LRMDA: variants seen among roughly 807,000 people sequenced by gnomAD.
LRMDA encodes leucine-rich melanocyte differentiation-associated protein.
A neutral mutation model predicts 29.8 loss-of-function variants in LRMDA; 18 were observed. The ratio of observed to expected loss-of-function variants is 0.60; its 90% confidence interval spans 0.42 to 0.90. The LOEUF (loss-of-function observed/expected upper bound fraction) is 0.90. LRMDA is among the 40% of genes least tolerant of loss of function. The pLI, the probability that LRMDA is intolerant of heterozygous loss-of-function variation, is 0.00. For missense variants in LRMDA, 273 were observed against 273.9 expected (o/e 1.00, Z 0.02); for synonymous variants, 125 against 109.4 (o/e 1.14, Z -0.89).
chr10:76,029,790 G>T (rs1406471642), intron 2 of LRMDA, among the ~76,000 whole-genome samples: 1 of 152,288 alleles, frequency 6.6e-6, no homozygotes, highest in African/African-American at 2.4e-5. Flanking sequence ...TCTCAGATGA[G>T]TGTTGAATTT....
intron 2 of LRMDA, among the ~76,000 whole-genome samples, chr10:75,742,371 C>T (rs1842840386): frequency 1.3e-5 from 2 of 152,146 alleles, no homozygotes; most frequent in South Asian, 4.1e-4. Context: ...GACAGTTCAA[C>T]AAGATGGAGA....
At chr10:76,429,023 T>TACACACAC (rs140684832) in intron 6 of LRMDA, among the ~76,000 whole-genome samples, 2,781 of 149,728 alleles carry the variant, frequency 0.019, 88 homozygotes, top group African/African-American at 0.061. Context: ...CTGCCAATTA[T>TACACACAC]ACACACACAC....
At chr10:76,190,584 G>A (rs572003534) in intron 5 of LRMDA, among the ~76,000 whole-genome samples, 23 of 152,186 alleles carry the variant, frequency 1.5e-4, no homozygotes, top group Non-Finnish European at 2.6e-4. Flanking sequence ...TCCCAGATGG[G>A]TGTGTGGTAG....
chr10:76,442,983 T>A (rs186900408), intron 6 of LRMDA, among the ~76,000 whole-genome samples: 1 of 152,276 alleles, frequency 6.6e-6, no homozygotes, highest in Non-Finnish European at 1.5e-5. Context: ...TTTTACGGTA[T>A]ACAAAAACAT....
At chr10:75,965,009 A>G (rs2082854) in intron 2 of LRMDA, among the ~76,000 whole-genome samples, 100,581 of 151,972 alleles carry the variant, frequency 0.66, 33,406 homozygotes, top group South Asian at 0.73. Context: ...CAAGTGATCC[A>G]CTCAACTCGG....
At chr10:76,348,742 T>A (rs1841139423) in intron 6 of LRMDA, among the ~76,000 whole-genome samples, 1 of 152,200 alleles carries the variant, frequency 6.6e-6, no homozygotes, top group South Asian at 2.1e-4. Context: ...TGCAAGACAC[T>A]GTACATGTGT....
At chr10:76,222,528 C>G (rs931190187) in intron 5 of LRMDA, among the ~76,000 whole-genome samples, 2 of 152,176 alleles carry the variant, frequency 1.3e-5, no homozygotes, top group African/African-American at 4.8e-5. Context: ...AAATGCTCAC[C>G]ATCACTGGCC....
chr10:75,777,824 G>T (rs1320862663), intron 2 of LRMDA, among the ~76,000 whole-genome samples: 1 of 152,130 alleles, frequency 6.6e-6, no homozygotes, highest in Non-Finnish European at 1.5e-5. Context: ...TTAATATATA[G>T]GATAGTGTCC....
chr10:76,260,752 C>A (rs1839928313), intron 5 of LRMDA: 1 of 152,110 alleles, frequency 6.6e-6, no homozygotes, highest in Non-Finnish European at 1.5e-5. Flanking sequence ...GGAAAGTTTT[C>A]AGCTATTACT....
chr10:76,428,773 T>A (rs903809056), intron 6 of LRMDA, among the ~76,000 whole-genome samples: 1 of 152,050 alleles, frequency 6.6e-6, no homozygotes, highest in African/African-American at 2.4e-5. Flanking sequence ...TAACTGTATA[T>A]CTGAACAAAG....
intron 2 of LRMDA, among the ~76,000 whole-genome samples, chr10:75,759,571 A>G (rs1174306539): frequency 6.6e-6 from 1 of 152,252 alleles, no homozygotes; most frequent in Non-Finnish European, 1.5e-5. Context: ...TTGTAGGCTA[A>G]GAAGCCCATT....
At chr10:75,542,918 G>A (rs1840035593) in intron 2 of LRMDA, among the ~76,000 whole-genome samples, 1 of 152,226 alleles carries the variant, frequency 6.6e-6, no homozygotes, top group Non-Finnish European at 1.5e-5. Flanking sequence ...CCTGTGTGCT[G>A]TGAAATTTTA....
chr10:76,403,616 A>T (rs1158224858), intron 6 of LRMDA, among the ~76,000 whole-genome samples: 6 of 152,174 alleles, frequency 3.9e-5, no homozygotes, highest in African/African-American at 9.7e-5. Context: ...TAATCTTCAG[A>T]GATAAGTACT....
chr10:75,758,751 A>G (rs758480389), intron 2 of LRMDA, among the ~76,000 whole-genome samples: 7 of 152,220 alleles, frequency 4.6e-5, no homozygotes, highest in Non-Finnish European at 1.0e-4. Flanking sequence ...TTTTATTTAC[A>G]CTGTTTAATA....
Position 76,424,800 on chromosome 10 carries a change from A to G in LRMDA, c.601+100315A>G, listed in dbSNP as rs1040290347. Among the ~76,000 whole-genome samples the G allele has an allele frequency of 2.0e-5, 3 of 152,220 alleles. No individual in the cohort carries two copies. In the South Asian group the frequency reaches 6.2e-4, roughly 31 times the overall value. The stretch of plus-strand genomic sequence containing the variant: ...ACCCAGTTTGTTGATTAGGCAAAAC[A>G]GTAGTCTTTTCACGGCACCTTACTG... On this transcript the variant is annotated intron_variant, in intron 6 of 6. Coordinates refer to ENST00000611255, the MANE Select transcript of LRMDA (RefSeq NM_001305581.2).
At chr10:76,151,896 T>C (rs529103733) in intron 5 of LRMDA, among the ~76,000 whole-genome samples, 29 of 152,284 alleles carry the variant, frequency 1.9e-4, no homozygotes, top group African/African-American at 7.0e-4. Context: ...TTACACTATA[T>C]AGGACCTCCA....
chr10:76,101,906 C>G (rs921369242), intron 5 of LRMDA, among the ~76,000 whole-genome samples: 2 of 152,112 alleles, frequency 1.3e-5, no homozygotes, highest in African/African-American at 4.8e-5. Context: ...CTCCCATTTC[C>G]CACTCTTCCA....
At chr10:76,375,076 A>G (rs1373460537) in intron 6 of LRMDA, among the ~76,000 whole-genome samples, 1 of 152,200 alleles carries the variant, frequency 6.6e-6, no homozygotes, top group East Asian at 1.9e-4. Flanking sequence ...AAAGAAAAGA[A>G]AAAGATTTCA....
At chr10:75,869,234 A>T (rs1169665230) in intron 2 of LRMDA, among the ~76,000 whole-genome samples, 1 of 152,204 alleles carries the variant, frequency 6.6e-6, no homozygotes, top group Non-Finnish European at 1.5e-5. Context: ...CCTGAGGAAC[A>T]GAGGCCCAGA....
Sources: allele counts gnomAD v4.1 joint callset (sites outside exome capture counted in the v4.1 genomes callset), GRCh38; gene constraint gnomAD v4.1.1; transcripts MANE v1.5; gene names NCBI Gene and HGNC (gene_info 2026-07-23, HGNC 2026-07-21).